The following SDK1 variants were observed in gnomAD, a reference collection of about 807,000 sequenced individuals.
The protein encoded by SDK1 is protein sidekick-1.
Under a neutral mutation model 245.5 loss-of-function variants are expected in SDK1, and 157 were observed. That is an observed-to-expected ratio of 0.64 (90% CI 0.56 to 0.73). The LOEUF is 0.73. SDK1 is among the 30% of genes least tolerant of loss of function. The pLI, the probability that SDK1 is intolerant of heterozygous loss-of-function variation, is 0.00. For synonymous variants in SDK1, 1,647 were observed against 1,278.5 expected (o/e 1.29, Z -6.15); for missense variants, 3,583 against 3,002.3 (o/e 1.19, Z -4.52).
intron 1 of SDK1, among the ~76,000 whole-genome samples, chr7:3,579,961 G>T (rs979359393): frequency 6.6e-6 from 1 of 152,040 alleles, no homozygotes; most frequent in African/African-American, 2.4e-5. Flanking sequence ...ATACAAAATC[G>T]GTGTATGAAA....
At position 3,338,134 on chromosome 7, in the gene SDK1, C is replaced by T. The variant is rs185693642; in HGVS notation, c.298+36250C>T. 3.4e-4 allele frequency: 71 copies of T among 206,114 alleles called. No individual in the cohort carries two copies. The Middle Eastern group carries it at 7.2e-3, about 21-fold the overall frequency. The allele number at this position is 206,114 out of a possible 1,614,324, so 12.8% of individuals were successfully genotyped here. The stretch of plus-strand genomic sequence containing the variant: ...TCTGTTAATTTGCCAAAATGATGAA[C>T]GACAAAGAGAAAAGGGAGAGGCACC... On this transcript the variant is annotated intron_variant, in intron 1 of 44. Transcript: ENST00000404826.
At chr7:3,959,348 G>T (rs908092673) in intron 8 of SDK1, among the ~76,000 whole-genome samples, 5 of 152,176 alleles carry the variant, frequency 3.3e-5, no homozygotes, top group Non-Finnish European at 7.3e-5. Context: ...GACCCCCCGA[G>T]ATTCGGGGCA....
intron 1 of SDK1, among the ~76,000 whole-genome samples, chr7:3,325,916 A>C (rs920265610): frequency 5.9e-5 from 9 of 152,124 alleles, no homozygotes; most frequent in African/African-American, 2.2e-4. Context: ...CTCCCCTTTG[A>C]GAGGCCTAGG....
intron 4 of SDK1, among the ~76,000 whole-genome samples, chr7:3,755,048 A>G (rs1355018025): frequency 6.6e-6 from 1 of 152,220 alleles, no homozygotes; most frequent in Non-Finnish European, 1.5e-5. Flanking sequence ...GAGAACAAAC[A>G]GAGGCTATTT....
At chr7:4,097,628 G>A (rs766782443) in intron 22 of SDK1, among the ~76,000 whole-genome samples, 14 of 152,146 alleles carry the variant, frequency 9.2e-5, no homozygotes, top group African/African-American at 2.4e-4. Flanking sequence ...TAGTGTGCCC[G>A]TCTCCTGCAG....
At chr7:3,971,659 AC>A (rs1782497367) in intron 12 of SDK1, 91 bp downstream of exon 12, 7 of 960,202 alleles carry the variant, frequency 7.3e-6, no homozygotes, top group Middle Eastern at 2.2e-4. Context: ...AATTGGGGGA[AC>A]TTTTGATTTC....
At chr7:3,713,555 G>A (rs1237733033) in intron 4 of SDK1, among the ~76,000 whole-genome samples, 1 of 152,096 alleles carries the variant, frequency 6.6e-6, no homozygotes, top group Non-Finnish European at 1.5e-5. Flanking sequence ...ATTGAATTAG[G>A]CCTGGTCTAG....
intron 22 of SDK1, among the ~76,000 whole-genome samples, chr7:4,082,546 AAAAAG>A (rs1377486787): frequency 1.1e-4 from 17 of 152,030 alleles, no homozygotes; most frequent in Admixed American, 6.5e-4. Flanking sequence ...AAAAAAAAAA[AAAAAG>A]AAAAGAAAAG....
intron 22 of SDK1, among the ~76,000 whole-genome samples, chr7:4,083,585 C>G (rs931905240): frequency 4.8e-5 from 6 of 124,872 alleles, no homozygotes; most frequent in African/African-American, 2.0e-4. Context: ...TCCCTCCTCC[C>G]TTCTTTCCTT....
Position 3,640,835 on chromosome 7 carries a change from C to G in SDK1, c.566-1123C>G, listed in dbSNP as rs747935752. 3.3e-5 allele frequency among the ~76,000 whole-genome samples: 5 copies of G among 152,198 alleles called. No individual in the cohort carries two copies. In the East Asian group the frequency reaches 5.8e-4, roughly 18 times the overall value. On this transcript the variant is annotated intron_variant, in intron 3 of 44. Coordinates refer to ENST00000404826, the MANE Select transcript of SDK1 (RefSeq NM_152744.4). ...AGCAGCTGGGATTACAGGCACCCAC[C>G]ACCACACCCAGCTAATTTTTGTATT...
At position 3,387,263 on chromosome 7, in the gene SDK1, C is replaced by T. The variant is rs143283680; in HGVS notation, c.298+85379C>T. Among the ~76,000 whole-genome samples the T allele has an allele frequency of 5.9e-5, 9 of 152,210 alleles. No homozygotes were observed. The East Asian group carries it at 1.2e-3, about 20-fold the overall frequency. On this transcript the variant is annotated intron_variant, in intron 1 of 44. Coordinates refer to ENST00000404826, the MANE Select transcript of SDK1 (RefSeq NM_152744.4). ...TTTACCTTCAGAAGGCATAGAGCACCTTTAATAGCCCTCCTGCCTTGGCCC... is the reference window on the plus strand; with the variant it reads ...TTTACCTTCAGAAGGCATAGAGCACTTTTAATAGCCCTCCTGCCTTGGCCC...
At chr7:4,176,103 C>G (rs1782191892) in intron 34 of SDK1, among the ~76,000 whole-genome samples, 1 of 151,912 alleles carries the variant, frequency 6.6e-6, no homozygotes, top group Admixed American at 6.6e-5. Context: ...TCTGATCTCT[C>G]CAACTTCCTT....
rs766168125 is a variant in SDK1 at position 3,692,487 on chromosome 7, CAT to C, written c.713+50385_713+50386del. 7.0e-4 allele frequency among the ~76,000 whole-genome samples: 106 copies of C among 152,164 alleles called. 1 individual carries two copies. Among genetic ancestry groups the C allele is most frequent in the African/African-American group, 2.5e-3 (102 of 41,520 alleles). ...TCTTATATTACATATTTTTCAATAA[CAT>C]ATTTTAAGCTTGTTGAATAATTTGT... On this transcript the variant is annotated intron_variant, in intron 4 of 44. Coordinates refer to ENST00000404826, the MANE Select transcript of SDK1 (RefSeq NM_152744.4).
chr7:3,956,890 G>A (rs1196057316), intron 7 of SDK1, among the ~76,000 whole-genome samples: 2 of 152,282 alleles, frequency 1.3e-5, no homozygotes, highest in East Asian at 3.9e-4. Flanking sequence ...TGACCCCAGC[G>A]AGGTCCCTTC....
chr7:3,340,932 T>A (rs1252006766), intron 1 of SDK1, among the ~76,000 whole-genome samples: 7 of 152,106 alleles, frequency 4.6e-5, no homozygotes, highest in African/African-American at 1.4e-4. Flanking sequence ...TACCAACATT[T>A]AAAGAAGAAT....
At chr7:3,395,761 T>A (rs1781881112) in intron 1 of SDK1, among the ~76,000 whole-genome samples, 1 of 151,924 alleles carries the variant, frequency 6.6e-6, no homozygotes, top group African/African-American at 2.4e-5. Context: ...TTTAAGTTGT[T>A]GAATTTGTTG....
chr7:3,985,383 C>T (rs1052287257), intron 13 of SDK1, among the ~76,000 whole-genome samples: 2 of 152,166 alleles, frequency 1.3e-5, no homozygotes, highest in Non-Finnish European at 2.9e-5. Flanking sequence ...CAGACCACAC[C>T]GATTCAGATT....
chr7:3,437,282 C>A lies in SDK1; in HGVS notation c.298+135398C>A, dbSNP rs1312987401. Reference sequence around the variant, plus strand: ...AAAGTCTTATAACATTGTTATTTCCCAGATTTGAGGGGTGGGCCTTGGGGT... The same window carrying A: ...AAAGTCTTATAACATTGTTATTTCCAAGATTTGAGGGGTGGGCCTTGGGGT... On this transcript the variant is annotated intron_variant, in intron 1 of 44. Coordinates refer to ENST00000404826, the MANE Select transcript of SDK1 (RefSeq NM_152744.4). Among the ~76,000 whole-genome samples, 4 of 151,902 alleles carry A rather than the reference C, an allele frequency of 2.6e-5. No homozygotes were observed. In the East Asian group the frequency reaches 7.7e-4, roughly 29 times the overall value.
At chr7:3,661,228 A>T (rs1178560092) in intron 4 of SDK1, among the ~76,000 whole-genome samples, 1 of 152,196 alleles carries the variant, frequency 6.6e-6, no homozygotes, top group African/African-American at 2.4e-5. Context: ...CTTTTTTCAT[A>T]TATTTTTAAG....
Sources: allele counts gnomAD v4.1 joint callset (sites outside exome capture counted in the v4.1 genomes callset), GRCh38; gene constraint gnomAD v4.1.1; transcripts MANE v1.5; gene names NCBI Gene and HGNC (gene_info 2026-07-23, HGNC 2026-07-21).